The following SAMD5 variants were observed in gnomAD, a reference collection of about 807,000 sequenced individuals.
The protein encoded by SAMD5 is sterile alpha motif domain containing 5.
A neutral mutation model predicts 11.3 loss-of-function variants in SAMD5; 13 were observed. The observed-to-expected ratio is 1.15, with a 90% CI of 0.75 to 1.83. The LOEUF (loss-of-function observed/expected upper bound fraction) is 1.83, where lower values mean the gene tolerates loss of function less well. Ranked by LOEUF, SAMD5 falls within the 40% of genes most tolerant of loss-of-function variation. The pLI is 0.00. For synonymous variants in SAMD5, 129 were observed against 111.3 expected (o/e 1.16, Z -1.00); for missense variants, 255 against 239.1 (o/e 1.07, Z -0.44).
chr6:147,947,428 A>C, the SAMD5 span: 1 of 152,240 alleles, frequency 6.6e-6, no homozygotes, highest in Admixed American at 6.5e-5. Flanking sequence ...ATTGCTTTTA[A>C]ATGACAGCAT....
the SAMD5 span, among the ~76,000 whole-genome samples, chr6:147,895,265 A>ATT: frequency 5.5e-3 from 839 of 151,780 alleles, 4 homozygotes; most frequent in African/African-American, 0.018. Flanking sequence ...ATAAAACATG[A>ATT]TTTTTTTTTC....
At chr6:147,573,832 C>A (rs759886376), downstream of SAMD5, among the ~76,000 whole-genome samples, 1 of 152,020 alleles carries the variant, frequency 6.6e-6, no homozygotes, top group Non-Finnish European at 1.5e-5. Context: ...AGAATAAAAG[C>A]GTACATTCAT....
chr6:147,857,818 T>A, the SAMD5 span, among the ~76,000 whole-genome samples: 2 of 152,200 alleles, frequency 1.3e-5, no homozygotes, highest in African/African-American at 4.8e-5. Flanking sequence ...AAATAATAAT[T>A]TTCCATGAAG....
At chr6:147,588,773 T>C (rs1182071502) in intron 1 of SAMD5, among the ~76,000 whole-genome samples, 1 of 152,140 alleles carries the variant, frequency 6.6e-6, no homozygotes, top group Non-Finnish European at 1.5e-5. Context: ...ATTATAAGGA[T>C]CACTTAACTT....
At chr6:147,817,643 A>G in the SAMD5 span, among the ~76,000 whole-genome samples, 2 of 152,210 alleles carry the variant, frequency 1.3e-5, no homozygotes, top group Non-Finnish European at 2.9e-5. Context: ...CCCAGAAAAC[A>G]GTTGTTTGTG....
At chr6:147,540,568 C>T (rs1429065465) in intron 1 of SAMD5, among the ~76,000 whole-genome samples, 1 of 152,150 alleles carries the variant, frequency 6.6e-6, no homozygotes, top group Non-Finnish European at 1.5e-5. Flanking sequence ...AACTGACCAG[C>T]CTGCTGCAAG....
At chr6:147,664,266 A>T (rs1790686253) in intron 1 of SAMD5, among the ~76,000 whole-genome samples, 1 of 152,092 alleles carries the variant, frequency 6.6e-6, no homozygotes, top group Non-Finnish European at 1.5e-5. Context: ...AAAAAATCTG[A>T]TTTTGCTTTA....
At chr6:147,794,002 A>G in the SAMD5 span, among the ~76,000 whole-genome samples, 1 of 152,250 alleles carries the variant, frequency 6.6e-6, no homozygotes, top group African/African-American at 2.4e-5. Context: ...ATAATTGTTC[A>G]CTGCTCCAGT....
At chr6:147,760,052 A>G in the SAMD5 span, among the ~76,000 whole-genome samples, 4 of 152,300 alleles carry the variant, frequency 2.6e-5, no homozygotes, top group East Asian at 7.7e-4. Flanking sequence ...ATTATAAATG[A>G]CACAGTGCAG....
the SAMD5 span, among the ~76,000 whole-genome samples, chr6:147,925,610 C>T: frequency 6.7e-6 from 1 of 148,664 alleles, no homozygotes; most frequent in Non-Finnish European, 1.5e-5. Context: ...AAGGGACAGT[C>T]AATGTTTGAA....
At chr6:147,600,218 A>G (rs2128448054) in intron 1 of SAMD5, among the ~76,000 whole-genome samples, 1 of 152,226 alleles carries the variant, frequency 6.6e-6, no homozygotes, top group South Asian at 2.1e-4. Flanking sequence ...TGGATATTCT[A>G]TTTAGTCAGG....
intron 1 of SAMD5, among the ~76,000 whole-genome samples, chr6:147,626,807 A>AAAAAAAAAAG: frequency 6.7e-6 from 1 of 149,628 alleles, no homozygotes; most frequent in Non-Finnish European, 1.5e-5. Context: ...AAAAAAAAAA[A>AAAAAAAAAAG]AAAAAAAAAA....
chr6:147,801,374 A>G, the SAMD5 span, among the ~76,000 whole-genome samples: 44 of 152,216 alleles, frequency 2.9e-4, no homozygotes, highest in Admixed American at 7.9e-4. Context: ...CAATACTTCA[A>G]GGAGTTCATG....
chr6:147,604,391 A>G (rs1288857410), intron 1 of SAMD5, among the ~76,000 whole-genome samples: 2 of 152,184 alleles, frequency 1.3e-5, no homozygotes, highest in Admixed American at 1.3e-4. Flanking sequence ...AGCTTTGAGG[A>G]AATTATGCCC....
chr6:147,949,686 C>A, the SAMD5 span, among the ~76,000 whole-genome samples: 12,515 of 152,198 alleles, frequency 0.082, 647 homozygotes, highest in Non-Finnish European at 0.12. Context: ...ACAATGACCA[C>A]ACTGGATTTC....
chr6:147,600,135 G>A (rs941348574), intron 1 of SAMD5, among the ~76,000 whole-genome samples: 1 of 152,154 alleles, frequency 6.6e-6, no homozygotes, highest in Non-Finnish European at 1.5e-5. Flanking sequence ...GTCAGAACAG[G>A]TGCTAGATAT....
rs1368638508 is a variant in SAMD5, at chr6:147,619,311, G to A, written c.162+109924G>A. Among the ~76,000 whole-genome samples, 3 of 152,258 alleles carry A rather than the reference G, an allele frequency of 2.0e-5. No homozygotes were observed. In the East Asian group the frequency reaches 5.8e-4, roughly 29 times the overall value. Reference sequence around the variant, plus strand: ...GCATTTATAGCTGAACTTCCTAGCGGCCAAGATAAAAACATAGAAATGCAT... The same window carrying A: ...GCATTTATAGCTGAACTTCCTAGCGACCAAGATAAAAACATAGAAATGCAT... On this transcript the variant is annotated intron_variant, in intron 1 of 1. Coordinates refer to the SAMD5 transcript ENST00000566741.
chr6:147,567,139 TA>T lies in SAMD5; in HGVS notation c.*2690del, dbSNP rs1562322677. 1.0e-6 allele frequency: 1 copy of T among 983,984 alleles called. No individual in the cohort carries two copies. Among genetic ancestry groups the T allele is most frequent in the African/African-American group, 1.8e-5 (1 of 57,134 alleles). 61.0% of individuals were successfully genotyped at this position (983,984 alleles called of 1,614,324 possible). A position where few individuals can be genotyped will look rare whatever the true frequency, so the allele number is the denominator to read the frequency against. ...TAGTTCATCTTAAAATTTAGGGAGG[TA>T]AAAAAAGATTTTATTCACATAAAAG... On this transcript the variant is annotated 3_prime_UTR_variant, in exon 2 of 2. Coordinates refer to ENST00000367474, the MANE Select transcript of SAMD5 (RefSeq NM_001030060.3).
In SAMD5 at chr6:147,698,366, G is replaced by A. The variant is rs547478246; in HGVS notation, c.163-38951G>A. Among the ~76,000 whole-genome samples the A allele has an allele frequency of 3.3e-5, 5 of 152,186 alleles. 1 individual carries two copies. The highest frequency in any genetic ancestry group is 1.9e-4 in the East Asian group (1 of 5,170). On this transcript the variant is annotated intron_variant, in intron 1 of 1. Transcript: ENST00000566741. ...TCCAGTGTGTGAGTTTTGCCAAGCC[G>A]CAAACATTCAGCCCATAATAATGGC...
Sources: allele counts gnomAD v4.1 joint callset (sites outside exome capture counted in the v4.1 genomes callset), GRCh38; gene constraint gnomAD v4.1.1; transcripts MANE v1.5; gene names NCBI Gene and HGNC (gene_info 2026-07-23, HGNC 2026-07-21).